Variants in KDM6A observed in about 807,000 individuals in gnomAD.
KDM6A encodes the protein lysine demethylase 6A.
A neutral mutation model predicts 117.6 loss-of-function variants in KDM6A; 11 were observed. The ratio of observed to expected loss-of-function variants is 0.09; its 90% CI spans 0.06 to 0.15. KDM6A has a LOEUF of 0.15. KDM6A is among the 10% of genes least tolerant of loss of function. KDM6A has a pLI of 1.00. For synonymous variants in KDM6A, 384 were observed against 396.1 expected, an observed-to-expected ratio of 0.97 and a Z score of 0.36; for missense variants, 799 against 1,077.3, an observed-to-expected ratio of 0.74 and a Z score of 3.62.
intron 4 of KDM6A, among the ~76,000 whole-genome samples, chrX:45,007,384 G>A (rs1292340055): frequency 1.8e-5 from 2 of 110,991 alleles, no homozygotes; most frequent in Non-Finnish European, 3.8e-5. Flanking sequence ...TCTTTAAAGG[G>A]CACCCACTTT....
intron 27 of KDM6A, among the ~76,000 whole-genome samples, chrX:45,096,734 G>A (rs759854925): frequency 3.6e-5 from 4 of 111,747 alleles, no homozygotes; most frequent in Admixed American, 2.8e-4. Flanking sequence ...AGGATGTGGA[G>A]AAAAAGGAAC....
intron 25 of KDM6A, chrX:45,086,203 T>A (rs1296731171): frequency 5.9e-6 from 2 of 341,839 alleles, no homozygotes; most frequent in Non-Finnish European, 1.0e-5. Flanking sequence ...GTAGTACCCA[T>A]GAATTAAGAA....
At chrX:44,946,026 T>C (rs958858604) in intron 2 of KDM6A, among the ~76,000 whole-genome samples, 2 of 112,575 alleles carry the variant, frequency 1.8e-5, no homozygotes, top group African/African-American at 6.4e-5. Flanking sequence ...TGTCCTTTGA[T>C]CTTTTATTAT....
chrX:45,057,044 C>T (rs1325888793), intron 10 of KDM6A, among the ~76,000 whole-genome samples: 1 of 111,396 alleles, frequency 9.0e-6, no homozygotes, highest in Non-Finnish European at 1.9e-5. Flanking sequence ...GTCTCAATCA[C>T]GGACATTTCT....
At chrX:44,902,957 T>C (rs1265761267) in intron 2 of KDM6A, among the ~76,000 whole-genome samples, 1 of 111,672 alleles carries the variant, frequency 9.0e-6, no homozygotes, top group Non-Finnish European at 1.9e-5. Context: ...ATCCCATTCA[T>C]GAGGGCTTTG....
intron 23 of KDM6A, 110 bp from the exon 24 acceptor site, chrX:45,083,350 T>C (rs2045506032): frequency 1.3e-6 from 1 of 745,283 alleles, no homozygotes; most frequent in African/African-American, 2.1e-5. Flanking sequence ...GTAAAATATT[T>C]ATAGACTTAA....
chrX:44,916,102 G>A (rs1321325032), intron 2 of KDM6A, among the ~76,000 whole-genome samples: 1 of 110,818 alleles, frequency 9.0e-6, no homozygotes, highest in Non-Finnish European at 1.9e-5. Flanking sequence ...AAATGTTATA[G>A]GCATGTATGT....
Position 45,060,611 on chromosome X carries a change from A to C in KDM6A, c.1332A>C (p.Ala444=). Residue 444 remains alanine (A), a splice_region_variant and synonymous_variant, in exon 14 of 30, where the codon GCA becomes GCC. Transcript: ENST00000611820. The part of the protein sequence containing the change: ...RQGAMNTAQQ[A]CKPHHPNTEP... ...TGTCTTCCTTCTGTGATTCTTAGGC[A>C]TGTAAACCTCATCATCCAAATACTG... 1 of 1,059,273 alleles carries C rather than the reference A, an allele frequency of 9.4e-7. No homozygotes were observed. Among genetic ancestry groups the C allele is most frequent in the Non-Finnish European group, 1.2e-6 (1 of 804,500 alleles). 87.3% of individuals were successfully genotyped at this position (1,059,273 alleles called of 1,213,427 possible). A position where few individuals can be genotyped will look rare whatever the true frequency, so the allele number is the denominator to read the frequency against.
intron 4 of KDM6A, among the ~76,000 whole-genome samples, chrX:45,003,676 CTG>C (rs1306409599): frequency 4.5e-5 from 5 of 110,268 alleles, no homozygotes; most frequent in Middle Eastern, 4.7e-3. Context: ...ATAGGGTACA[CTG>C]TTTTTTCCTT....
chrX:44,886,144 A>G (rs1428157114), intron 2 of KDM6A, among the ~76,000 whole-genome samples: 1 of 107,438 alleles, frequency 9.3e-6, no homozygotes, highest in Non-Finnish European at 1.9e-5. Context: ...TGCAGCCTTC[A>G]TCTCCCGGGT....
At chrX:44,993,568 G>A (rs768250343) in intron 4 of KDM6A, among the ~76,000 whole-genome samples, 3 of 110,825 alleles carry the variant, frequency 2.7e-5, no homozygotes, top group Non-Finnish European at 5.7e-5. Context: ...AGTTGTTAGT[G>A]TTGTTTTAGC....
chrX:44,997,301 G>A (rs771738577), intron 4 of KDM6A, among the ~76,000 whole-genome samples: 1 of 112,175 alleles, frequency 8.9e-6, no homozygotes, highest in Non-Finnish European at 1.9e-5. Flanking sequence ...CAGCCTATGG[G>A]GTAGCCAGAG....
chrX:45,027,213 T>C (rs1212899046), intron 6 of KDM6A, among the ~76,000 whole-genome samples: 1 of 108,772 alleles, frequency 9.2e-6, no homozygotes, highest in Non-Finnish European at 1.9e-5. Context: ...CAGTAGCTTA[T>C]GCCTGTAATC....
At chrX:44,883,257 G>C (rs2032487248) in intron 2 of KDM6A, among the ~76,000 whole-genome samples, 1 of 110,029 alleles carries the variant, frequency 9.1e-6, no homozygotes, top group Non-Finnish European at 1.9e-5. Flanking sequence ...TTTTTGTAGA[G>C]ACAGGGTTTC....
chrX:45,043,037 C>T (rs2043350287), intron 8 of KDM6A, among the ~76,000 whole-genome samples: 1 of 112,681 alleles, frequency 8.9e-6, no homozygotes. Flanking sequence ...TGCCTGTAAT[C>T]CCAGCACTTT....
chrX:44,892,957 C>T (rs938175062), intron 2 of KDM6A, among the ~76,000 whole-genome samples: 7 of 99,115 alleles, frequency 7.1e-5, no homozygotes, highest in African/African-American at 1.5e-4. Flanking sequence ...GAGCTGAGAT[C>T]GTGCCACAGC....
rs1274619572 is a variant in KDM6A at position 44,979,124 on chromosome X, T to G, written c.384+4409T>G. ...GGGAATGCTGAATTGCTTTGCAGTT[T>G]TAGGTTTAACCGTCAGACTTTTTCA... is the stretch of plus-strand genomic sequence containing the variant. On this transcript the variant is annotated intron_variant, in intron 4 of 29. Transcript: ENST00000611820. Among the ~76,000 whole-genome samples, 14 of 112,457 alleles carry G rather than the reference T, an allele frequency of 1.2e-4. No individual in the cohort carries two copies. The Admixed American group carries it at 1.3e-3, about 11-fold the overall frequency.
chrX:44,993,739 G>T, intron 4 of KDM6A, among the ~76,000 whole-genome samples: 1 of 111,471 alleles, frequency 9.0e-6, no homozygotes, highest in South Asian at 3.8e-4. Context: ...GGTGGCGCGT[G>T]CCTGTAGTCT....
intron 5 of KDM6A, among the ~76,000 whole-genome samples, chrX:45,014,498 A>G (rs1387860150): frequency 8.9e-6 from 1 of 111,981 alleles, no homozygotes. Context: ...AGCAGAGTGT[A>G]AAATATATGC....
Sources: gnomAD v4.1 joint callset for allele counts (sites outside exome capture counted in the v4.1 genomes callset) on GRCh38, gnomAD v4.1.1 for gene constraint, MANE v1.5 for transcripts, NCBI Gene and HGNC (gene_info 2026-07-23, HGNC 2026-07-21) for gene names.